CPNE3: variants seen among roughly 807,000 people sequenced by gnomAD.
The protein encoded by CPNE3 is copine 3, also known as copine-3.
In CPNE3, 68 loss-of-function variants were observed where a neutral mutation model predicts 63.9. The ratio of observed to expected loss-of-function variants is 1.06; its 90% CI spans 0.87 to 1.30. The LOEUF (loss-of-function observed/expected upper bound fraction) is 1.30, where lower values mean the gene tolerates loss of function less well. Among genes scored for constraint, CPNE3 ranks in the 50% most tolerant of loss-of-function variants. The pLI is 0.00. For missense variants in CPNE3, 665 were observed against 578.1 expected (o/e 1.15, Z -1.54); for synonymous variants, 219 against 197.5 (o/e 1.11, Z -0.91).
In CPNE3 at chr8:86,551,241, T is replaced by TA. The variant is rs770588454; in HGVS notation, c.1120+13dup. On this transcript the variant is annotated splice_region_variant and intron_variant, in intron 14 of 16. Transcript: ENST00000517490. ...TCCAATCCCTACTGCAATGGTAAGT[T>TA]AAAAAATAAACATGAAGACTTCAAA... 4.5e-6 allele frequency: 7 copies of TA among 1,563,216 alleles called. No individual in the cohort carries two copies. Among genetic ancestry groups the TA allele is most frequent in the South Asian group, 3.3e-5 (3 of 89,834 alleles).
intron 2 of CPNE3, among the ~76,000 whole-genome samples, chr8:86,516,705 A>G (rs548277146): frequency 2.6e-5 from 4 of 152,248 alleles, no homozygotes; most frequent in African/African-American, 9.6e-5. Flanking sequence ...AATTCTTGGT[A>G]TGGCTTATCC....
At chr8:86,533,747 C>T (rs1292897446) in intron 6 of CPNE3, among the ~76,000 whole-genome samples, 1 of 152,170 alleles carries the variant, frequency 6.6e-6, no homozygotes, top group Non-Finnish European at 1.5e-5. Flanking sequence ...TCCCAGACTT[C>T]ATATCATTTC....
intron 8 of CPNE3, among the ~76,000 whole-genome samples, chr8:86,543,889 T>C (rs1820995697): frequency 6.6e-6 from 1 of 152,150 alleles, no homozygotes; most frequent in Non-Finnish European, 1.5e-5. Context: ...ACACTTCTGC[T>C]TGGCAATAGT....
intron 2 of CPNE3, 115 bp from the exon 3 acceptor site, chr8:86,528,421 C>A: frequency 1.8e-6 from 2 of 1,140,532 alleles, no homozygotes; most frequent in East Asian, 2.5e-5. Flanking sequence ...GGCAAGTTCA[C>A]TCTATAAGCC....
chr8:86,521,508 G>C (rs1563684507), intron 2 of CPNE3: 1 of 152,130 alleles, frequency 6.6e-6, no homozygotes, highest in Non-Finnish European at 1.5e-5. Flanking sequence ...GTTATACTAA[G>C]TAACTATTTT....
At chr8:86,540,110 T>C in intron 7 of CPNE3, 135 bp from the exon 8 acceptor site, 3 of 627,228 alleles carry the variant, frequency 4.8e-6, no homozygotes, top group Non-Finnish European at 8.8e-6. Context: ...GGTAGTTTTT[T>C]TGTGGAAATA....
chr8:86,530,263 G>A (rs940373950), intron 4 of CPNE3, among the ~76,000 whole-genome samples: 8 of 151,350 alleles, frequency 5.3e-5, no homozygotes, highest in Admixed American at 6.6e-5. Context: ...TTGACCTCCC[G>A]GGTTCAAGTG....
chr8:86,548,520 A>G, intron 12 of CPNE3, 86 bp downstream of exon 12: 1 of 1,532,798 alleles, frequency 6.5e-7, no homozygotes, highest in Non-Finnish European at 8.9e-7. Flanking sequence ...GCACTCTGAT[A>G]TAGGTGGTAG....
At chr8:86,537,418 G>C in intron 6 of CPNE3, 145 bp from the exon 7 acceptor site, 1 of 577,862 alleles carries the variant, frequency 1.7e-6, no homozygotes, top group Non-Finnish European at 3.1e-6. Flanking sequence ...TCTAAGTTAG[G>C]GAGAAAGGTG....
At chr8:86,550,100 T>G (rs1821140433) in intron 12 of CPNE3, among the ~76,000 whole-genome samples, 1 of 152,264 alleles carries the variant, frequency 6.6e-6, no homozygotes, top group Non-Finnish European at 1.5e-5. Context: ...GTGAATTGTT[T>G]ATAATCTTGT....
intron 14 of CPNE3, among the ~76,000 whole-genome samples, chr8:86,552,879 C>T (rs1821214108): frequency 7.4e-6 from 1 of 134,362 alleles, no homozygotes; most frequent in Admixed American, 8.1e-5. Context: ...TGCTCTTTTC[C>T]CCCAGGCTGG....
Position 86,528,961 on chromosome 8 carries a change from G to A in CPNE3, c.149G>A (p.Arg50Lys). 6.2e-7 allele frequency: 1 copy of A among 1,612,904 alleles called. No homozygotes were observed. The highest frequency in any genetic ancestry group is 1.1e-5 in the South Asian group (1 of 91,044). The stretch of plus-strand genomic sequence containing the variant: ...TGGGTGTAGGTTGAGCGCACAGAAA[G>A]GATTAAGAATTGCTTGAATCCCCAA... Reference protein sequence around the residue: ...QQWYEVERTERIKNCLNPQFS... With the variant: ...QQWYEVERTEKIKNCLNPQFS... The change falls in exon 4 of 17, where the codon AGG becomes AAG. Residue 50 changes from arginine (R) to lysine (K), a missense_variant. Transcript: ENST00000517490.
intron 6 of CPNE3, among the ~76,000 whole-genome samples, chr8:86,535,034 G>A (rs1241074333): frequency 6.6e-6 from 1 of 151,956 alleles, no homozygotes; most frequent in Non-Finnish European, 1.5e-5. Context: ...GCTTGTTTGT[G>A]AGACCATTTA....
In CPNE3 at chr8:86,551,564, A is replaced by AT. The variant is rs1216841898; in HGVS notation, c.1120+335dup. ...AGTAAAAATATCATATATTAAAAGT[A>AT]TTTTTACATATAAATTTATTTAAAA... is the stretch of plus-strand genomic sequence containing the variant. On this transcript the variant is annotated intron_variant, in intron 14 of 16. Coordinates refer to ENST00000517490, the MANE Select transcript of CPNE3 (RefSeq NM_003909.5). 6 of 181,850 alleles carry AT rather than the reference A, an allele frequency of 3.3e-5. No individual in the cohort carries two copies. The South Asian group carries it at 1.1e-3, about 34-fold the overall frequency. The allele number at this position is 181,850 out of a possible 1,614,324, so 11.3% of individuals were successfully genotyped here. A position where few individuals can be genotyped will look rare whatever the true frequency, so the allele number is the denominator to read the frequency against.
At chr8:86,548,972 TA>T (rs1821114969) in intron 12 of CPNE3, among the ~76,000 whole-genome samples, 1 of 152,224 alleles carries the variant, frequency 6.6e-6, no homozygotes, top group Non-Finnish European at 1.5e-5. Context: ...GAAGGATAAC[TA>T]GATCTAATTG....
intron 9 of CPNE3, 125 bp downstream of exon 9, chr8:86,544,963 C>A: frequency 2.2e-6 from 1 of 447,580 alleles, no homozygotes; most frequent in Non-Finnish European, 3.9e-6. Flanking sequence ...CATAATGCTC[C>A]GAAATGTTTA....
rs1357843021 is a variant in CPNE3 at position 86,528,526 on chromosome 8, G to T, written c.-10-10G>T. ...TTTTACTTGCTTTCTCTTTTTATTG[G>T]TTTTCTCAGAACTCAAGACATGGCT... On this transcript the variant is annotated splice_polypyrimidine_tract_variant and intron_variant, in intron 2 of 16. Coordinates refer to ENST00000517490, the MANE Select transcript of CPNE3 (RefSeq NM_003909.5). 1 of 1,610,596 alleles carries T rather than the reference G, an allele frequency of 6.2e-7. No homozygotes were observed. The highest frequency in any genetic ancestry group is 8.5e-7 in the Non-Finnish European group (1 of 1,179,220).
chr8:86,558,479 C>T lies in CPNE3; in HGVS notation c.*69C>T. On this transcript the variant is annotated 3_prime_UTR_variant, in exon 17 of 17. Coordinates refer to ENST00000517490, the MANE Select transcript of CPNE3 (RefSeq NM_003909.5). ...CTCTCACCCCAAATCGTGTATCTGT[C>T]ATTCTACGTACTTTTTACCCCCAGC... 1 of 862,542 alleles carries T rather than the reference C, an allele frequency of 1.2e-6. No individual in the cohort carries two copies. The highest frequency in any genetic ancestry group is 1.7e-5 in the Admixed American group (1 of 59,032). 53.4% of individuals were successfully genotyped at this position (862,542 alleles called of 1,614,324 possible).
Position 86,527,472 on chromosome 8 carries a change from G to A in CPNE3, c.-10-1064G>A, listed in dbSNP as rs190761556. Reference sequence around the variant, plus strand: ...GAGACTGGGGAAGGAGGGGTCTATGGAAGTTAAGCTAACTCTGATATTTCT... The same window carrying A: ...GAGACTGGGGAAGGAGGGGTCTATGAAAGTTAAGCTAACTCTGATATTTCT... On this transcript the variant is annotated intron_variant, in intron 2 of 16. Transcript: ENST00000517490. Among the ~76,000 whole-genome samples the A allele has an allele frequency of 3.9e-5, 6 of 152,276 alleles. No individual in the cohort carries two copies. In the East Asian group the frequency reaches 1.2e-3, roughly 29 times the overall value.
Sources: allele counts gnomAD v4.1 joint callset (sites outside exome capture counted in the v4.1 genomes callset), GRCh38; gene constraint gnomAD v4.1.1; transcripts MANE v1.5; gene names NCBI Gene and HGNC (gene_info 2026-07-23, HGNC 2026-07-21).